The following TMEM221 variants were observed in gnomAD, a reference collection of about 807,000 sequenced individuals.
TMEM221 encodes the protein Putative transmembrane protein ENSP00000342162.
Under a neutral mutation model 10.2 loss-of-function variants are expected in TMEM221, and 11 were observed. The ratio of observed to expected loss-of-function variants is 1.08; its 90% CI spans 0.68 to 1.79. TMEM221 has a LOEUF of 1.79. Ranked by LOEUF, TMEM221 falls within the 40% of genes most tolerant of loss-of-function variation. The pLI, the probability that TMEM221 is intolerant of heterozygous loss-of-function variation, is 0.00. For synonymous variants in TMEM221, 172 were observed against 199.8 expected (o/e 0.86, Z 1.18); for missense variants, 382 against 417.7 (o/e 0.91, Z 0.75).
At position 17,448,159 on chromosome 19, in the gene TMEM221, C is replaced by T; in HGVS notation, c.304G>A (p.Gly102Arg). Residue 102 changes from glycine (G) to arginine (R), a missense_variant, in exon 1 of 3, where the codon GGG (glycine) becomes AGG (arginine). By Grantham distance (125) the Gly-to-Arg change is moderately radical. Transcript: ENST00000341130. This position sits in a 1 kb window ranked among gnomAD's most constrained non-coding sequence, Gnocchi z 4.7. Reference sequence around the variant, plus strand: ...TCCTCCTACCTCCTGGGGCCAGGCCCCCGCGCCAGCTCGGCGCCCAGGTGG... The same window carrying T: ...TCCTCCTACCTCCTGGGGCCAGGCCTCCGCGCCAGCTCGGCGCCCAGGTGG... ...CGHLGAELAR[G>R]PGPRRSDWFL... 1 of 1,422,326 alleles carries T rather than the reference C, an allele frequency of 7.0e-7. No homozygotes were observed. The highest frequency in any genetic ancestry group is 1.4e-5 in the South Asian group (1 of 70,940). 88.1% of individuals were successfully genotyped at this position (1,422,326 alleles called of 1,614,324 possible).
rs916632872 is a variant in TMEM221 at position 17,436,564 on chromosome 19, C to T, written c.770G>A (p.Arg257Gln). The T allele has an allele frequency of 1.8e-5, 27 of 1,536,134 alleles. No individual in the cohort carries two copies. Among genetic ancestry groups the T allele is most frequent in the Middle Eastern group, 1.7e-4 (1 of 5,980 alleles). Reference sequence around the variant, plus strand: ...GTGCCCCAGGCCAGCCGACAGTGTCCGGTGCATTCTGGATGCAGGCAGGCT... The same window carrying T: ...GTGCCCCAGGCCAGCCGACAGTGTCTGGTGCATTCTGGATGCAGGCAGGCT... ...ESSLPASRMH[R>Q]TLSAGLGHWD... The change falls in exon 3 of 3, where the codon CGG becomes CAG. Residue 257 changes from arginine to glutamine, a missense_variant. By Grantham distance (43) the Arg-to-Gln change is conservative (BLOSUM62 1). Transcript: ENST00000341130.
chr19:17,447,740 G>C (rs930048099), intron 1 of TMEM221, among the ~76,000 whole-genome samples: 1 of 152,154 alleles, frequency 6.6e-6, no homozygotes, highest in African/African-American at 2.4e-5. Context: ...TTTCAGACCA[G>C]GACACAGGCT....
intron 2 of TMEM221, 187 bp downstream of exon 2, chr19:17,445,011 AT>A: frequency 2.0e-6 from 1 of 498,790 alleles, no homozygotes; most frequent in Non-Finnish European, 3.7e-6. Context: ...AATGACAGTT[AT>A]TCCCATTGTA....
chr19:17,441,010 C>A (rs2074929744), intron 2 of TMEM221, among the ~76,000 whole-genome samples: 1 of 152,084 alleles, frequency 6.6e-6, no homozygotes, highest in African/African-American at 2.4e-5. Context: ...GAGTTTGAGA[C>A]CAGCCTGGCC....
intron 2 of TMEM221, among the ~76,000 whole-genome samples, chr19:17,443,538 A>G (rs1185593875): frequency 1.3e-5 from 2 of 151,520 alleles, no homozygotes; most frequent in African/African-American, 4.8e-5. Context: ...GTTTCAGCAT[A>G]TTGGCCAGGC....
At chr19:17,437,224 A>G (rs1450490939) in intron 2 of TMEM221, among the ~76,000 whole-genome samples, 5 of 152,208 alleles carry the variant, frequency 3.3e-5, no homozygotes, top group Non-Finnish European at 7.3e-5. Context: ...TCTGAAGCAC[A>G]GTGCTGCCTC....
At chr19:17,446,986 C>T (rs1717677880) in intron 1 of TMEM221, among the ~76,000 whole-genome samples, 1 of 151,896 alleles carries the variant, frequency 6.6e-6, no homozygotes, top group African/African-American at 2.4e-5. Flanking sequence ...CTTTGGGAGG[C>T]CAAGGTGGGT....
intron 1 of TMEM221, among the ~76,000 whole-genome samples, chr19:17,447,683 A>G (rs547490478): frequency 6.6e-5 from 10 of 152,110 alleles, no homozygotes; most frequent in South Asian, 6.2e-4. Context: ...GGGTCCCTCA[A>G]TGACCACATC....
At position 17,448,086 on chromosome 19, in the gene TMEM221, A is replaced by G; in HGVS notation, c.320+57T>C. On this transcript the variant is annotated intron_variant, in intron 1 of 2. Coordinates refer to ENST00000341130, the MANE Select transcript of TMEM221 (RefSeq NM_001190844.2). This position sits in a 1 kb window ranked among gnomAD's most constrained non-coding sequence, Gnocchi z 4.7. ...AGGCCAAAAGAGGGGAAGAGGCTCA[A>G]CCAGGCTCACCCAGCCCCCAGCCGG... 16 of 1,284,506 alleles carry G rather than the reference A, an allele frequency of 1.2e-5. No homozygotes were observed. The highest frequency in any genetic ancestry group is 1.5e-5 in the Non-Finnish European group (15 of 1,011,388). The allele number at this position is 1,284,506 out of a possible 1,614,324, so 79.6% of individuals were successfully genotyped here.
intron 1 of TMEM221, among the ~76,000 whole-genome samples, chr19:17,446,137 C>T (rs560791346): frequency 2.0e-5 from 3 of 152,134 alleles, no homozygotes; most frequent in Admixed American, 1.3e-4. Context: ...ATCCCTCACC[C>T]ACCCATCCAC....
intron 2 of TMEM221, 137 bp from the exon 3 acceptor site, chr19:17,437,064 C>T (rs957068432): frequency 1.8e-6 from 1 of 564,980 alleles, no homozygotes; most frequent in Admixed American, 3.9e-5. Context: ...ATTTAATCCT[C>T]CCACATCCCA....
chr19:17,436,852 G>A lies in TMEM221; in HGVS notation c.482C>T (p.Thr161Ile). 6.9e-7 allele frequency: 1 copy of A among 1,456,984 alleles called. No homozygotes were observed. Among genetic ancestry groups the A allele is most frequent in the Non-Finnish European group, 9.0e-7 (1 of 1,107,666 alleles). The allele number at this position is 1,456,984 out of a possible 1,614,324, so 90.3% of individuals were successfully genotyped here. A position where few individuals can be genotyped will look rare whatever the true frequency, so the allele number is the denominator to read the frequency against. ...AAAASILGSG[T>I]LVLVAVLTHT... Reference sequence around the variant, plus strand: ...GGTCAGCACAGCCACCAGAACCAGGGTGCCCGAGCCGAGGATGGAAGCAGC... The same window carrying A: ...GGTCAGCACAGCCACCAGAACCAGGATGCCCGAGCCGAGGATGGAAGCAGC... Residue 161 changes from threonine (T) to isoleucine (I), a missense_variant, in exon 3 of 3, where the codon ACC becomes ATC. Thr to Ile is a moderately conservative substitution (Grantham distance 89). Transcript: ENST00000341130.
intron 2 of TMEM221, among the ~76,000 whole-genome samples, chr19:17,443,862 CACTT>C (rs1387084551): frequency 3.3e-5 from 5 of 151,954 alleles, no homozygotes; most frequent in African/African-American, 1.2e-4. Context: ...TCTTGAAAGA[CACTT>C]AATGATTTCA....
At chr19:17,438,051 G>GT (rs1336741423) in intron 2 of TMEM221, among the ~76,000 whole-genome samples, 1 of 150,576 alleles carries the variant, frequency 6.6e-6, no homozygotes, top group Non-Finnish European at 1.5e-5. Flanking sequence ...TCCTGAGTAG[G>GT]TGGGACTACA....
At chr19:17,441,829 CT>C (rs78570249) in intron 2 of TMEM221, among the ~76,000 whole-genome samples, 21,421 of 124,676 alleles carry the variant, frequency 0.17, 1,487 homozygotes, top group Non-Finnish European at 0.19. Flanking sequence ...AGGCCAAGGA[CT>C]TTTTTTTTTT....
rs573622370 is a variant in TMEM221, at chr19:17,436,570, A to G, written c.764T>C (p.Met255Thr). Residue 255 changes from methionine (M) to threonine (T), a missense_variant, in exon 3 of 3, where the codon ATG (methionine) becomes ACG (threonine). Transcript: ENST00000341130. ...GWESSLPASR[M>T]HRTLSAGLGH... The stretch of plus-strand genomic sequence containing the variant: ...CAGGCCAGCCGACAGTGTCCGGTGC[A>G]TTCTGGATGCAGGCAGGCTGCTCTC... 73 of 1,536,042 alleles carry G rather than the reference A, an allele frequency of 4.8e-5. No homozygotes were observed. The South Asian group carries it at 4.8e-4, about 10-fold the overall frequency.
chr19:17,437,077 C>A (rs185531316), intron 2 of TMEM221, 150 bp from the exon 3 acceptor site: 4 of 534,974 alleles, frequency 7.5e-6, no homozygotes, highest in Non-Finnish European at 1.2e-5. Context: ...ACATCCCACT[C>A]GTGCATCATC....
intron 2 of TMEM221, among the ~76,000 whole-genome samples, 151 bp from the exon 3 acceptor site, chr19:17,437,078 G>A (rs974164592): frequency 1.3e-5 from 2 of 152,130 alleles, no homozygotes; most frequent in Non-Finnish European, 2.9e-5. Context: ...CATCCCACTC[G>A]TGCATCATCA....
chr19:17,436,177 T>A lies in TMEM221; in HGVS notation c.*281A>T, dbSNP rs1465383541. ...GCAGCAAGGTATGGCCATTTCGCTC[T>A]GTTCTGGCCAGTGGGATATAAAAAG... On this transcript the variant is annotated 3_prime_UTR_variant, in exon 3 of 3. Coordinates refer to ENST00000341130, the MANE Select transcript of TMEM221 (RefSeq NM_001190844.2). 6.0e-6 allele frequency: 2 copies of A among 333,246 alleles called. No homozygotes were observed. Among genetic ancestry groups the A allele is most frequent in the Non-Finnish European group, 1.1e-5 (2 of 183,532 alleles). 20.6% of individuals were successfully genotyped at this position (333,246 alleles called of 1,614,324 possible).
Sources: allele counts gnomAD v4.1 joint callset (sites outside exome capture counted in the v4.1 genomes callset), GRCh38; gene constraint gnomAD v4.1.1; non-coding constraint Gnocchi (gnomAD v3.1); transcripts MANE v1.5; gene names NCBI Gene and HGNC (gene_info 2026-07-23, HGNC 2026-07-21).